PIEZO1: variants seen among roughly 807,000 people sequenced by gnomAD.
PIEZO1 encodes piezo-type mechanosensitive ion channel component 1.
Under a neutral mutation model 297.2 loss-of-function variants are expected in PIEZO1, and 296 were observed. The observed-to-expected ratio is 1.00, with a 90% CI of 0.91 to 1.10. PIEZO1 has a LOEUF of 1.10. PIEZO1 is among the 50% of genes least tolerant of loss of function. The pLI, the probability that PIEZO1 is intolerant of heterozygous loss-of-function variation, is 0.00. For missense variants in PIEZO1, 5,018 were observed against 3,455.5 expected (o/e 1.45, Z -11.34); for synonymous variants, 2,427 against 1,507.5 (o/e 1.61, Z -14.13).
At position 88,738,360 on chromosome 16, in the gene PIEZO1, G is replaced by C; in HGVS notation, c.715C>G (p.Pro239Ala). The change falls in exon 7 of 51, where the codon CCC becomes GCC. Residue 239 changes from proline (P) to alanine (A), a missense_variant. Coordinates refer to ENST00000301015, the MANE Select transcript of PIEZO1 (RefSeq NM_001142864.4). ...CTGCTGAAGCCCCGAGTGCTGATGG[G>C]AAAGTGGCAGGCCCACCAGGTGCAG... ...ALCTWWACHFPISTRGFSRLC... is the reference protein window; with the variant it reads ...ALCTWWACHFAISTRGFSRLC... The C allele has an allele frequency of 6.5e-7, 1 of 1,535,894 alleles. No homozygotes were observed. Among genetic ancestry groups the C allele is most frequent in the Non-Finnish European group, 8.7e-7 (1 of 1,146,862 alleles).
chr16:88,716,543 C>G lies in PIEZO1; in HGVS notation c.6926+16G>C, dbSNP rs892485332. ...GGGTCCACCCACCCAGGCACTGCCC[C>G]AAGTCCAGGACGAACCTCTGGAAGT... is the stretch of plus-strand genomic sequence containing the variant. On this transcript the variant is annotated intron_variant, in intron 47 of 50. Transcript: ENST00000301015. 10 of 1,538,570 alleles carry G rather than the reference C, an allele frequency of 6.5e-6. No individual in the cohort carries two copies. Among genetic ancestry groups the G allele is most frequent in the Non-Finnish European group, 8.8e-6 (10 of 1,139,290 alleles).
Position 88,720,447 on chromosome 16 carries a change from G to C in PIEZO1, c.5887C>G (p.Leu1963Val), listed in dbSNP as rs927321239. ...KYRAATDVYA[L>V]MFLADVVDFI... ...TCGACAACATCAGCCAGGAACATGA[G>C]GGCATAGACGTCGGTGGCTGCGCGG... The change falls in exon 41 of 51, where the codon CTC becomes GTC. Residue 1963 changes from leucine (L) to valine (V), a missense_variant. Transcript: ENST00000301015. The C allele has an allele frequency of 6.4e-6, 10 of 1,550,452 alleles. No homozygotes were observed. In the Admixed American group the frequency reaches 1.2e-4, roughly 18 times the overall value.
intron 27 of PIEZO1, 44 bp from the exon 28 acceptor site, chr16:88,725,728 C>A: frequency 2.9e-6 from 3 of 1,033,722 alleles, no homozygotes; most frequent in South Asian, 1.4e-5. Context: ...GGCACTCGAC[C>A]CCAGCAACAT....
chr16:88,734,534 C>G lies in PIEZO1; in HGVS notation c.2002G>C (p.Gly668Arg), dbSNP rs1262124847. 1.3e-6 allele frequency: 2 copies of G among 1,542,432 alleles called. No homozygotes were observed. Among genetic ancestry groups the G allele is most frequent in the Non-Finnish European group, 1.8e-6 (2 of 1,142,272 alleles). Residue 668 changes from glycine (G) to arginine (R), a missense_variant, in exon 16 of 51, where the codon GGG (glycine) becomes CGG (arginine). Gly to Arg is a moderately radical substitution (Grantham distance 125, BLOSUM62 -2). Transcript: ENST00000301015. ...CTGAACTGCTCCAGGCCCAGGTCCC[C>G]CAGCCTGTGGAGGGGCAGCATCAGC... ...NLTGFTDEQL[G>R]DLGLEQFSVS...
At chr16:88,773,442 G>A (rs900506121) in intron 1 of PIEZO1, among the ~76,000 whole-genome samples, 23 of 152,270 alleles carry the variant, frequency 1.5e-4, no homozygotes, top group Admixed American at 2.6e-4. Context: ...CGACCGATGG[G>A]CGCAGCACAG....
chr16:88,744,196 C>T (rs915212486), intron 2 of PIEZO1: 3 of 154,304 alleles, frequency 1.9e-5, no homozygotes, highest in Non-Finnish European at 4.3e-5. Flanking sequence ...AGAACACCGA[C>T]CCAGGGAATG....
At position 88,722,874 on chromosome 16, in the gene PIEZO1, C is replaced by T. The variant is rs757487492; in HGVS notation, c.4631G>A (p.Arg1544Gln). ...CTGTGTGAGGAGGTAGCGCTCTGCCCGCAGCACGTCGCTCATGGTGCCGTG... is the reference window on the plus strand; with the variant it reads ...CTGTGTGAGGAGGTAGCGCTCTGCCTGCAGCACGTCGCTCATGGTGCCGTG... ...RHHGTMSDVL[R>Q]AERYLLTQEL... is the part of the protein sequence containing the mutation. The change falls in exon 34 of 51, where the codon CGG (arginine) becomes CAG (glutamine). Residue 1544 changes from arginine (R) to glutamine (Q), a missense_variant. Arg to Gln is a conservative substitution (Grantham distance 43). Coordinates refer to ENST00000301015, the MANE Select transcript of PIEZO1 (RefSeq NM_001142864.4). 29 of 1,548,260 alleles carry T rather than the reference C, an allele frequency of 1.9e-5. No homozygotes were observed. The East Asian group carries it at 2.7e-4, about 14-fold the overall frequency.
chr16:88,736,079 T>A (rs1041995529), intron 12 of PIEZO1, 69 bp downstream of exon 12: 1 of 1,435,556 alleles, frequency 7.0e-7, no homozygotes, highest in African/African-American at 1.4e-5. Flanking sequence ...CAAGTGGACA[T>A]TGAACAGGAC....
intron 35 of PIEZO1, 56 bp from the exon 36 acceptor site, chr16:88,722,453 A>C (rs1180858624): frequency 2.7e-6 from 4 of 1,457,580 alleles, no homozygotes; most frequent in Admixed American, 2.5e-5. Flanking sequence ...ACCCCAGGCT[A>C]CAGGGAGGGT....
intron 34 of PIEZO1, 30 bp downstream of exon 34, chr16:88,722,807 G>A (rs1904290551): frequency 1.3e-6 from 2 of 1,539,026 alleles, no homozygotes; most frequent in African/African-American, 1.4e-5. Context: ...AGGCAGAGCA[G>A]GGACGAGCGT....
chr16:88,733,202 C>T, intron 19 of PIEZO1, 76 bp downstream of exon 19: 2 of 1,363,276 alleles, frequency 1.5e-6, no homozygotes, highest in East Asian at 2.5e-5. Flanking sequence ...ACTGAGGCAG[C>T]TGCCCCAGGA....
rs919118547 is a variant in PIEZO1 at position 88,732,617 on chromosome 16, C to T, written c.2780G>A (p.Gly927Asp). The stretch of plus-strand genomic sequence containing the variant: ...AGCCCTTCAACTCACCTGGATGTAG[C>T]CCAGGTTGGGGAACCCTTTCCGCAC... ...FGVRKGFPNL[G>D]YIQNHLQVLL... Residue 927 changes from glycine (G) to aspartate (D), a missense_variant, in exon 20 of 51, where the codon GGC becomes GAC. By Grantham distance (94) the Gly-to-Asp change is moderately conservative (BLOSUM62 -1). Coordinates refer to ENST00000301015, the MANE Select transcript of PIEZO1 (RefSeq NM_001142864.4). 5.8e-6 allele frequency: 9 copies of T among 1,548,984 alleles called. No individual in the cohort carries two copies. The African/African-American group carries it at 1.1e-4, about 19-fold the overall frequency.
Position 88,734,731 on chromosome 16 carries a change from A to G in PIEZO1, c.1916T>C (p.Leu639Pro). 6.5e-7 allele frequency: 1 copy of G among 1,550,264 alleles called. No homozygotes were observed. Among genetic ancestry groups the G allele is most frequent in the Non-Finnish European group, 8.7e-7 (1 of 1,146,898 alleles). The stretch of plus-strand genomic sequence containing the variant: ...GAAGGTGTAGACGGCGATGAGGACC[A>G]GCATGGTGTAGGCCACCACGAGCCA... ...FWWLVVAYTM[L>P]VLIAVYTFQF... Residue 639 changes from leucine to proline, a missense_variant, in exon 15 of 51, where the codon CTG (leucine) becomes CCG (proline). Transcript: ENST00000301015.
chr16:88,738,984 G>A, intron 5 of PIEZO1: 1 of 571,450 alleles, frequency 1.7e-6, no homozygotes, highest in Non-Finnish European at 3.1e-6. Flanking sequence ...CCTGGCCGAA[G>A]ACCCAGGGTC....
chr16:88,733,462 C>T lies in PIEZO1; in HGVS notation c.2488-8G>A. ...CAGGTTCATCACCGACACCTGAGGG[C>T]AGTGGGCACGTGGGGCTGGGCTTGG... is the stretch of plus-strand genomic sequence containing the variant. On this transcript the variant is annotated splice_polypyrimidine_tract_variant and splice_region_variant and intron_variant, in intron 18 of 50. Transcript: ENST00000301015. 4.5e-6 allele frequency: 7 copies of T among 1,544,942 alleles called. No individual in the cohort carries two copies. The highest frequency in any genetic ancestry group is 6.1e-6 in the Non-Finnish European group (7 of 1,142,724).
intron 1 of PIEZO1, 79 bp downstream of exon 1, chr16:88,784,822 G>A (rs973646800): frequency 4.7e-6 from 5 of 1,060,720 alleles, no homozygotes; most frequent in Admixed American, 3.4e-5. Context: ...GCCCCGGCCG[G>A]CGTCGTCCGG....
rs575448905 is a variant in PIEZO1, at chr16:88,736,823, G to A, written c.1196-84C>T. 1,104 of 853,462 alleles carry A rather than the reference G, an allele frequency of 1.3e-3. 5 individuals carry two copies. The highest frequency in any genetic ancestry group is 7.2e-3 in the South Asian group (418 of 58,154). 52.9% of individuals were successfully genotyped at this position (853,462 alleles called of 1,614,324 possible). The stretch of plus-strand genomic sequence containing the variant: ...ACTATGCCCTAAAATCTGGGCCCTG[G>A]GCAAGCACACAGCAGGAGAGACAGG... On this transcript the variant is annotated intron_variant, in intron 10 of 50. Transcript: ENST00000301015.
chr16:88,778,220 G>A (rs1907758765), intron 1 of PIEZO1, among the ~76,000 whole-genome samples: 1 of 152,188 alleles, frequency 6.6e-6, no homozygotes, highest in South Asian at 2.1e-4. Context: ...TTTGGGGGTA[G>A]AGCTGTGGCA....
chr16:88,726,236 C>G (rs1433160246), intron 27 of PIEZO1, 48 bp downstream of exon 27: 68 of 1,487,684 alleles, frequency 4.6e-5, no homozygotes, highest in Non-Finnish European at 6.1e-5. Context: ...ATTGCCCCCT[C>G]CCAGCCCCAA....
Sources: gnomAD v4.1 joint callset for allele counts (sites outside exome capture counted in the v4.1 genomes callset) on GRCh38, gnomAD v4.1.1 for gene constraint, MANE v1.5 for transcripts, NCBI Gene and HGNC (gene_info 2026-07-23, HGNC 2026-07-21) for gene names.